Variants in FAT3 observed in about 807,000 individuals in gnomAD.
The protein encoded by FAT3 is FAT atypical cadherin 3.
FAT3 carries 95 observed loss-of-function variants against 310.2 expected under a neutral mutation model. That is an observed-to-expected ratio of 0.31 (90% CI 0.26 to 0.36). The LOEUF (loss-of-function observed/expected upper bound fraction) is 0.36, where lower values mean the gene tolerates loss of function less well. FAT3 is among the 10% of genes least tolerant of loss of function. FAT3 has a pLI of 1.00. For missense variants in FAT3, 5,408 were observed against 5,715.6 expected, an observed-to-expected ratio of 0.95 and a Z score of 1.74; for synonymous variants, 2,314 against 2,192.9, an observed-to-expected ratio of 1.06 and a Z score of -1.54.
At chr11:92,425,959 A>G (rs1270031897) in intron 2 of FAT3, among the ~76,000 whole-genome samples, 1 of 152,196 alleles carries the variant, frequency 6.6e-6, no homozygotes, top group Non-Finnish European at 1.5e-5. Context: ...GAATCACCAC[A>G]CTGTCTTCTA....
intron 3 of FAT3, among the ~76,000 whole-genome samples, chr11:92,691,556 A>G (rs1265329604): frequency 1.3e-5 from 2 of 151,924 alleles, no homozygotes; most frequent in African/African-American, 4.8e-5. Flanking sequence ...TCTAATTATT[A>G]TTATTAAAGA....
chr11:92,554,625 C>G (rs1392276175), intron 3 of FAT3, among the ~76,000 whole-genome samples: 3 of 152,004 alleles, frequency 2.0e-5, no homozygotes, highest in Admixed American at 2.0e-4. Flanking sequence ...TAGCCTAACT[C>G]TAATACCAAT....
At chr11:92,667,369 CT>C (rs1942988221) in intron 3 of FAT3, among the ~76,000 whole-genome samples, 2 of 152,112 alleles carry the variant, frequency 1.3e-5, no homozygotes. Flanking sequence ...TTCTTGTACC[CT>C]TTCCCCTCTT....
At chr11:92,823,578 C>A (rs186726821) in intron 13 of FAT3, among the ~76,000 whole-genome samples, 2 of 152,190 alleles carry the variant, frequency 1.3e-5, no homozygotes, top group Admixed American at 1.3e-4. Context: ...GCATGGGAGC[C>A]CACAATCATG....
At position 92,279,661 on chromosome 11, in the gene FAT3, C is replaced by A. The variant is rs543856637; in HGVS notation, c.-18+54487C>A. Reference sequence around the variant, plus strand: ...GTCAGGGTATTTGGGACATTCATCACCTTGAGTCTTTATCATTTCTATGTG... The same window carrying A: ...GTCAGGGTATTTGGGACATTCATCAACTTGAGTCTTTATCATTTCTATGTG... On this transcript the variant is annotated intron_variant, in intron 1 of 27. Coordinates refer to ENST00000525166, the MANE Select transcript of FAT3 (RefSeq NM_001367949.2). Among the ~76,000 whole-genome samples the A allele has an allele frequency of 5.1e-4, 77 of 152,236 alleles. 2 individuals carry two copies. The South Asian group carries it at 0.015, about 29-fold the overall frequency.
intron 1 of FAT3, among the ~76,000 whole-genome samples, chr11:92,330,014 A>G (rs1324983861): frequency 6.6e-6 from 1 of 152,090 alleles, no homozygotes; most frequent in Non-Finnish European, 1.5e-5. Context: ...TAAAATGACT[A>G]CATTTTTAAA....
intron 3 of FAT3, among the ~76,000 whole-genome samples, chr11:92,634,785 A>G (rs1941694469): frequency 6.6e-6 from 1 of 152,220 alleles, no homozygotes; most frequent in Non-Finnish European, 1.5e-5. Context: ...AAAAATTCAT[A>G]TGCTGAAGCC....
intron 2 of FAT3, among the ~76,000 whole-genome samples, chr11:92,459,250 A>G (rs1236259776): frequency 1.3e-5 from 2 of 152,064 alleles, no homozygotes; most frequent in Non-Finnish European, 2.9e-5. Flanking sequence ...GCTGCCAGAG[A>G]GCCTTGGAAT....
intron 12 of FAT3, among the ~76,000 whole-genome samples, chr11:92,809,273 G>T (rs1167098668): frequency 1.3e-5 from 2 of 152,136 alleles, no homozygotes; most frequent in African/African-American, 4.8e-5. Context: ...CCACAATCCA[G>T]CAAGTTAAGG....
intron 3 of FAT3, among the ~76,000 whole-genome samples, chr11:92,530,965 G>A (rs1030494092): frequency 1.3e-5 from 2 of 151,348 alleles, no homozygotes; most frequent in Non-Finnish European, 2.9e-5. Flanking sequence ...TGAACATTGC[G>A]GAAATCTATT....
rs1389737720 is a variant in FAT3, at chr11:92,883,093, C to T, written c.12637C>T (p.Arg4213Cys). The T allele has an allele frequency of 6.2e-7, 1 of 1,613,816 alleles. No individual in the cohort carries two copies. The highest frequency in any genetic ancestry group is 1.1e-5 in the South Asian group (1 of 91,090). ...KSNGIPFRNL[R>C]GSGDGRNVYQ... is the part of the protein sequence containing the mutation. ...CAATGGCATCCCGTTCCGGAACCTGCGCGGCAGTGGGGACGGCCGCAACGT... is the reference window on the plus strand; with the variant it reads ...CAATGGCATCCCGTTCCGGAACCTGTGCGGCAGTGGGGACGGCCGCAACGT... Residue 4213 changes from arginine to cysteine, a missense_variant, in exon 24 of 28, where the codon CGC becomes TGC. By Grantham distance (180) the Arg-to-Cys change is radical. This residue lies in a region of FAT3 where 649 missense variants were observed against 666.2 expected (regional missense o/e 0.97). Coordinates refer to ENST00000525166, the MANE Select transcript of FAT3 (RefSeq NM_001367949.2). The surrounding 1 kb of genome is among the most constrained non-coding windows in gnomAD (Gnocchi z 4.2).
At chr11:92,685,191 T>C (rs1487915761) in intron 3 of FAT3, among the ~76,000 whole-genome samples, 33 of 152,218 alleles carry the variant, frequency 2.2e-4, no homozygotes, top group Admixed American at 2.2e-3. Flanking sequence ...TTAAATAACA[T>C]AATTTAGTTA....
intron 2 of FAT3, among the ~76,000 whole-genome samples, chr11:92,452,048 CAGAG>C (rs1404616655): frequency 6.6e-6 from 1 of 152,108 alleles, no homozygotes; most frequent in Non-Finnish European, 1.5e-5. Flanking sequence ...GGCAGATAGA[CAGAG>C]AGAAAGAACA....
chr11:92,889,853 CA>C lies in FAT3; in HGVS notation c.13112-2del. The C allele has an allele frequency of 1.4e-6, 1 of 718,022 alleles. No individual in the cohort carries two copies. The highest frequency in any genetic ancestry group is 1.5e-5 in the South Asian group (1 of 67,604). 44.5% of individuals were successfully genotyped at this position (718,022 alleles called of 1,614,324 possible). A position where few individuals can be genotyped will look rare whatever the true frequency, so the allele number is the denominator to read the frequency against. ...TTTTACTTTTCACTTTGTATTTAAA[CA>C]GTGTCTGTCATGGACCAAGGACAGA... On this transcript the variant is annotated splice_acceptor_variant, in intron 26 of 27. Transcript: ENST00000525166. LOFTEE classifies it high-confidence loss of function.
At chr11:92,525,064 T>G (rs1953813697) in intron 3 of FAT3, 116 bp downstream of exon 3, 7 of 892,990 alleles carry the variant, frequency 7.8e-6, no homozygotes, top group African/African-American at 1.7e-5. Context: ...TCTTCCTTTC[T>G]GAGAATGGTT....
intron 6 of FAT3, chr11:92,766,781 A>G (rs1946324283): frequency 6.6e-6 from 1 of 152,192 alleles, no homozygotes; most frequent in African/African-American, 2.4e-5. Context: ...TCATTAAGAT[A>G]TTATCTGATG....
intron 3 of FAT3, among the ~76,000 whole-genome samples, chr11:92,612,548 G>A (rs183198213): frequency 1.4e-4 from 21 of 152,304 alleles, no homozygotes; most frequent in Admixed American, 7.2e-4. Context: ...TTTTTAAAAT[G>A]TGGGGAATTG....
At chr11:92,796,199 C>A (rs1171508872) in intron 9 of FAT3, among the ~76,000 whole-genome samples, 2 of 152,198 alleles carry the variant, frequency 1.3e-5, no homozygotes, top group African/African-American at 4.8e-5. Flanking sequence ...ACACTCAATT[C>A]TATGACACTA....
intron 3 of FAT3, among the ~76,000 whole-genome samples, chr11:92,573,691 A>G (rs766071237): frequency 2.0e-5 from 3 of 152,142 alleles, no homozygotes; most frequent in African/African-American, 4.8e-5. Context: ...GGTTAGAGCT[A>G]TGCAGCCCCA....
Sources: gnomAD v4.1 joint callset for allele counts (sites outside exome capture counted in the v4.1 genomes callset) on GRCh38, gnomAD v4.1.1 for gene constraint, gnomAD v4.1.1 regional missense constraint, Gnocchi (gnomAD v3.1) non-coding constraint, MANE v1.5 for transcripts, NCBI Gene and HGNC (gene_info 2026-07-23, HGNC 2026-07-21) for gene names.